Variants in COP1 observed in about 807,000 individuals in gnomAD.
COP1 encodes the protein COP1 E3 ubiquitin ligase.
In COP1, 24 loss-of-function variants were observed where a neutral mutation model predicts 101.3. That is an observed-to-expected ratio of 0.24 (90% CI 0.17 to 0.33). The LOEUF (loss-of-function observed/expected upper bound fraction) is 0.33, where lower values mean the gene tolerates loss of function less well. Ranked by LOEUF, COP1 falls within the 10% of genes least tolerant of loss-of-function variation. The pLI, the probability that COP1 is intolerant of heterozygous loss-of-function variation, is 1.00. For missense variants in COP1, 663 were observed against 906.2 expected, an observed-to-expected ratio of 0.73 and a Z score of 3.45; for synonymous variants, 347 against 341.9, an observed-to-expected ratio of 1.01 and a Z score of -0.17.
chr1:176,114,365 G>C (rs1256131281), intron 9 of COP1, among the ~76,000 whole-genome samples: 1 of 152,030 alleles, frequency 6.6e-6, no homozygotes, highest in Non-Finnish European at 1.5e-5. Flanking sequence ...GTACAGAGTA[G>C]TCACATAAAC....
intron 9 of COP1, among the ~76,000 whole-genome samples, chr1:176,105,124 C>T (rs1684090266): frequency 6.6e-6 from 1 of 151,542 alleles, no homozygotes; most frequent in Non-Finnish European, 1.5e-5. Context: ...AAATTGGTGA[C>T]CTAAAGAAGG....
intron 6 of COP1, among the ~76,000 whole-genome samples, chr1:176,141,267 T>A (rs1690633819): frequency 6.6e-6 from 1 of 152,152 alleles, no homozygotes; most frequent in Admixed American, 6.6e-5. Context: ...TTTGGGAGGC[T>A]GAGGCGGGCA....
chr1:176,167,454 T>C (rs1193449758), intron 3 of COP1, among the ~76,000 whole-genome samples: 1 of 152,144 alleles, frequency 6.6e-6, no homozygotes, highest in Non-Finnish European at 1.5e-5. Context: ...GAAATCTTGA[T>C]GACATGCTCC....
intron 1 of COP1, among the ~76,000 whole-genome samples, chr1:176,196,552 G>A (rs1699718950): frequency 7.2e-5 from 11 of 152,156 alleles, no homozygotes; most frequent in Admixed American, 7.2e-4. Context: ...TAGAACCTGA[G>A]TAGTGTCTAT....
intron 11 of COP1, among the ~76,000 whole-genome samples, chr1:176,064,431 T>C (rs2149315232): frequency 6.6e-6 from 1 of 152,326 alleles, no homozygotes; most frequent in East Asian, 1.9e-4. Context: ...TTTGAATCCC[T>C]GAGTATAATT....
chr1:176,040,485 T>C (rs1296171646), intron 14 of COP1, among the ~76,000 whole-genome samples: 1 of 151,966 alleles, frequency 6.6e-6, no homozygotes, highest in East Asian at 1.9e-4. Context: ...CCCAGGTAAT[T>C]TTTAAAATTT....
intron 9 of COP1, among the ~76,000 whole-genome samples, chr1:176,106,442 T>TAGTTTATA (rs144556672): frequency 1.3e-5 from 2 of 152,158 alleles, no homozygotes; most frequent in African/African-American, 4.8e-5. Context: ...TCAGAAATTA[T>TAGTTTATA]AGTTTATAAG....
chr1:175,951,437 A>AATATAT (rs765055146), intron 18 of COP1, among the ~76,000 whole-genome samples: 4,195 of 107,916 alleles, frequency 0.039, 293 homozygotes, highest in South Asian at 0.084. Context: ...AAGATACGTG[A>AATATAT]ATATATATAT....
chr1:175,999,798 C>A (rs1450639713), intron 15 of COP1, among the ~76,000 whole-genome samples: 3 of 152,056 alleles, frequency 2.0e-5, no homozygotes, highest in African/African-American at 7.2e-5. Context: ...TTGGATAAGT[C>A]ATTTTAACTG....
At chr1:175,966,600 CAT>C (rs1652070363) in intron 18 of COP1, among the ~76,000 whole-genome samples, 1 of 152,092 alleles carries the variant, frequency 6.6e-6, no homozygotes, top group Non-Finnish European at 1.5e-5. Context: ...AAGCTTATCA[CAT>C]GTCTGGGCTT....
intron 8 of COP1, among the ~76,000 whole-genome samples, chr1:176,117,888 C>CT (rs1446945461): frequency 6.6e-6 from 1 of 151,628 alleles, no homozygotes; most frequent in Non-Finnish European, 1.5e-5. Flanking sequence ...GAGCAAGACT[C>CT]TGTCTCGAAA....
rs572979368 is a variant in COP1 at position 176,135,276 on chromosome 1, C to T, written c.892-190G>A. Among the ~76,000 whole-genome samples the T allele has an allele frequency of 2.0e-5, 3 of 152,098 alleles. No homozygotes were observed. In the South Asian group the frequency reaches 6.2e-4, roughly 32 times the overall value. On this transcript the variant is annotated intron_variant, in intron 7 of 19. Coordinates refer to ENST00000367669, the MANE Select transcript of COP1 (RefSeq NM_022457.7). ...GACATGTGAAAAGTTAAGAGACAAG[C>T]CTTTTCCATGGTACACAATCTTAAA...
At chr1:176,154,439 G>A (rs917913673) in intron 5 of COP1, among the ~76,000 whole-genome samples, 5 of 151,918 alleles carry the variant, frequency 3.3e-5, no homozygotes, top group African/African-American at 9.7e-5. Flanking sequence ...GTACATACAC[G>A]ATAGAATGCT....
intron 15 of COP1, among the ~76,000 whole-genome samples, chr1:175,997,737 A>C (rs1188573634): frequency 1.3e-5 from 2 of 152,104 alleles, no homozygotes; most frequent in Non-Finnish European, 2.9e-5. Flanking sequence ...ATCATTAAAA[A>C]CTCAGGAAAC....
At chr1:176,142,312 C>G (rs1201602237) in intron 6 of COP1, among the ~76,000 whole-genome samples, 2 of 151,706 alleles carry the variant, frequency 1.3e-5, no homozygotes, top group East Asian at 3.9e-4. Flanking sequence ...AACAGAAAAG[C>G]AACAATAATA....
intron 15 of COP1, among the ~76,000 whole-genome samples, chr1:176,008,276 A>C (rs1305244492): frequency 6.6e-6 from 1 of 152,180 alleles, no homozygotes; most frequent in Non-Finnish European, 1.5e-5. Flanking sequence ...CCGGTACCTC[A>C]GATGGAAATG....
intron 5 of COP1, among the ~76,000 whole-genome samples, chr1:176,151,353 A>AAAAGAAAGAGAG (rs1692463137): frequency 8.6e-6 from 1 of 115,992 alleles, no homozygotes; most frequent in Admixed American, 9.7e-5. Flanking sequence ...GAAAGAAAGA[A>AAAAGAAAGAGAG]AAAGAAAGAA....
chr1:175,971,072 C>T (rs1653143241), intron 18 of COP1, among the ~76,000 whole-genome samples: 1 of 152,148 alleles, frequency 6.6e-6, no homozygotes, highest in South Asian at 2.1e-4. Context: ...TCAAAGAAAG[C>T]ATTACTGCTA....
chr1:176,022,279 T>A (rs1666884965), intron 15 of COP1, among the ~76,000 whole-genome samples: 1 of 152,236 alleles, frequency 6.6e-6, no homozygotes, highest in South Asian at 2.1e-4. Context: ...ACAATTAGCA[T>A]GATGCCTCAC....
Sources: gnomAD v4.1 joint callset for allele counts (sites outside exome capture counted in the v4.1 genomes callset) on GRCh38, gnomAD v4.1.1 for gene constraint, MANE v1.5 for transcripts, NCBI Gene and HGNC (gene_info 2026-07-23, HGNC 2026-07-21) for gene names.